The following MAML1 variants were observed in gnomAD, a reference collection of about 807,000 sequenced individuals.
MAML1 encodes mastermind like transcriptional coactivator 1, also known as mastermind-like protein 1.
A neutral mutation model predicts 77.1 loss-of-function variants in MAML1; 14 were observed. That is an observed-to-expected ratio of 0.18 (90% CI 0.12 to 0.28). MAML1 has a LOEUF of 0.28. MAML1 is among the 10% of genes least tolerant of loss of function. MAML1 has a pLI of 1.00. For missense variants in MAML1, 1,217 were observed against 1,327.8 expected (o/e 0.92, Z 1.30); for synonymous variants, 516 against 551.9 (o/e 0.93, Z 0.91).
In MAML1 at chr5:179,769,707, C is replaced by T. The variant is rs1405156077; in HGVS notation, c.1971+618C>T. Among the ~76,000 whole-genome samples the T allele has an allele frequency of 6.6e-6, 1 of 152,110 alleles. No individual in the cohort carries two copies. The highest frequency in any genetic ancestry group is 1.5e-5 in the Non-Finnish European group (1 of 68,014). ...AGCTGGGACTACAGGCAAGAACCACCATGCCTGGCTAATTTTTGTGTTTTT... is the reference window on the plus strand; with the variant it reads ...AGCTGGGACTACAGGCAAGAACCACTATGCCTGGCTAATTTTTGTGTTTTT... On this transcript the variant is annotated intron_variant, in intron 3 of 4. Coordinates refer to ENST00000292599, the MANE Select transcript of MAML1 (RefSeq NM_014757.5). This position sits in a 1 kb window ranked among gnomAD's most constrained non-coding sequence, Gnocchi z 4.2.
Position 179,769,240 on chromosome 5 carries a change from C to T in MAML1, c.1971+151C>T, listed in dbSNP as rs1041225642. The T allele has an allele frequency of 1.6e-5, 19 of 1,172,316 alleles. No homozygotes were observed. The highest frequency in any genetic ancestry group is 5.0e-5 in the Admixed American group (2 of 39,680). The allele number at this position is 1,172,316 out of a possible 1,614,324, so 72.6% of individuals were successfully genotyped here. On this transcript the variant is annotated intron_variant, in intron 3 of 4. Coordinates refer to ENST00000292599, the MANE Select transcript of MAML1 (RefSeq NM_014757.5). The surrounding 1 kb of genome is among the most constrained non-coding windows in gnomAD (Gnocchi z 4.2). ...GCTTTGCCTTTTAAAAACATCTTTC[C>T]AGGAATGTGGCATTTCTCAGACAGG...
rs974655124 is a variant in MAML1, at chr5:179,759,952, G to C, written c.316-5374G>C. On this transcript the variant is annotated intron_variant, in intron 1 of 4. Coordinates refer to ENST00000292599, the MANE Select transcript of MAML1 (RefSeq NM_014757.5). ...AGGACTTGGGTACCAGTTGTATGTA[G>C]GGACTAAGGAGGAGCGGGAGGGAGG... Among the ~76,000 whole-genome samples the C allele has an allele frequency of 3.3e-5, 5 of 152,236 alleles. No homozygotes were observed. In the South Asian group the frequency reaches 1.0e-3, roughly 31 times the overall value.
chr5:179,766,365 C>T lies in MAML1; in HGVS notation c.1355C>T (p.Pro452Leu). The T allele has an allele frequency of 6.2e-7, 1 of 1,606,712 alleles. No homozygotes were observed. Among genetic ancestry groups the T allele is most frequent in the South Asian group, 1.1e-5 (1 of 90,254 alleles). ...VPYPMEKPASPSSYKQDFTNS... is the reference protein window; with the variant it reads ...VPYPMEKPASLSSYKQDFTNS... The stretch of plus-strand genomic sequence containing the variant: ...TACCCCATGGAGAAGCCTGCCAGCC[C>T]TTCCAGCTACAAGCAAGACTTCACT... The change falls in exon 2 of 5, where the codon CCT becomes CTT. Residue 452 changes from proline to leucine, a missense_variant. Transcript: ENST00000292599. This position sits in a 1 kb window ranked among gnomAD's most constrained non-coding sequence, Gnocchi z 4.0.
chr5:179,774,166 C>A lies in MAML1; in HGVS notation c.2340C>A (p.His780Gln). 1 of 1,613,570 alleles carries A rather than the reference C, an allele frequency of 6.2e-7. No homozygotes were observed. Residue 780 changes from histidine to glutamine, a missense_variant, in exon 5 of 5, where the codon CAC becomes CAA. Physicochemically the swap from His to Gln is conservative, Grantham distance 24 (BLOSUM62 0). Around this residue, in one of 3 missense-constraint regions of MAML1, gnomAD observed 884 missense variants for 949.3 expected, o/e 0.93. Coordinates refer to ENST00000292599, the MANE Select transcript of MAML1 (RefSeq NM_014757.5). ...PPPQATNGHA[H>Q]IPRQTNVGQN... Reference sequence around the variant, plus strand: ...CACAGGCCACCAATGGACATGCCCACATTCCACGGCAGACCAACGTGGGCC... The same window carrying A: ...CACAGGCCACCAATGGACATGCCCAAATTCCACGGCAGACCAACGTGGGCC...
intron 1 of MAML1, among the ~76,000 whole-genome samples, chr5:179,757,668 G>A (rs567628563): frequency 1.3e-5 from 2 of 152,258 alleles, no homozygotes; most frequent in East Asian, 1.9e-4. Context: ...ATGTCTTAAC[G>A]TCACACATCC....
chr5:179,773,032 G>A (rs1353034575), intron 4 of MAML1, among the ~76,000 whole-genome samples: 2 of 152,162 alleles, frequency 1.3e-5, no homozygotes, highest in African/African-American at 2.4e-5. Context: ...CTGGGGGCGC[G>A]CGCCGCCACG....
intron 1 of MAML1, among the ~76,000 whole-genome samples, chr5:179,760,855 G>T (rs564294572): frequency 6.6e-6 from 1 of 152,310 alleles, no homozygotes; most frequent in African/African-American, 2.4e-5. Context: ...ACTTTGGGAG[G>T]CCGAGGTGGG....
intron 1 of MAML1, among the ~76,000 whole-genome samples, chr5:179,739,062 T>A (rs1581922474): frequency 6.6e-6 from 1 of 152,224 alleles, no homozygotes; most frequent in Non-Finnish European, 1.5e-5. Flanking sequence ...CTATTTTCCC[T>A]TATTAATTCA....
intron 1 of MAML1, among the ~76,000 whole-genome samples, chr5:179,753,394 A>G (rs1416102469): frequency 6.6e-6 from 1 of 152,088 alleles, no homozygotes; most frequent in Non-Finnish European, 1.5e-5. Flanking sequence ...TAATATTTCA[A>G]ATTTTTCTCC....
At chr5:179,756,336 A>T (rs1038651694) in intron 1 of MAML1, among the ~76,000 whole-genome samples, 1 of 149,410 alleles carries the variant, frequency 6.7e-6, no homozygotes, top group African/African-American at 2.5e-5. Context: ...GAGGCGGGGG[A>T]GTGGCGTCAA....
chr5:179,745,348 T>C (rs1779358425), intron 1 of MAML1, among the ~76,000 whole-genome samples: 1 of 152,204 alleles, frequency 6.6e-6, no homozygotes, highest in Non-Finnish European at 1.5e-5. Context: ...GTAAGAGTTC[T>C]CAGTTCAGTT....
At chr5:179,739,341 G>A (rs960487671) in intron 1 of MAML1, among the ~76,000 whole-genome samples, 1 of 151,880 alleles carries the variant, frequency 6.6e-6, no homozygotes, top group Non-Finnish European at 1.5e-5. Flanking sequence ...AATATAACAA[G>A]ACTCCATCTC....
intron 1 of MAML1, among the ~76,000 whole-genome samples, chr5:179,758,549 C>G (rs1779668785): frequency 6.6e-6 from 1 of 151,902 alleles, no homozygotes; most frequent in Non-Finnish European, 1.5e-5. Context: ...CCCCACTGTG[C>G]CTGGCTAATT....
rs148455396 is a variant in MAML1 at position 179,765,718 on chromosome 5, G to T, written c.708G>T (p.Ser236=). The change falls in exon 2 of 5, where the codon TCG becomes TCT. Residue 236 remains serine (S), a synonymous_variant. Coordinates refer to ENST00000292599, the MANE Select transcript of MAML1 (RefSeq NM_014757.5). ...CMITGTVGSI[S]QSNLMPDLNL... The stretch of plus-strand genomic sequence containing the variant: ...TCACTGGGACTGTCGGCTCCATATC[G>T]CAAAGCAACCTCATGCCAGACCTCA... 5.1e-4 allele frequency: 819 copies of T among 1,613,788 alleles called. No individual in the cohort carries two copies. The highest frequency in any genetic ancestry group is 5.4e-4 in the Non-Finnish European group (643 of 1,179,880).
At position 179,771,139 on chromosome 5, in the gene MAML1, T is replaced by C. The variant is rs1755977446; in HGVS notation, c.1972-8T>C. On this transcript the variant is annotated splice_region_variant and splice_polypyrimidine_tract_variant and intron_variant, in intron 3 of 4. Coordinates refer to ENST00000292599, the MANE Select transcript of MAML1 (RefSeq NM_014757.5). This position sits in a 1 kb window ranked among gnomAD's most constrained non-coding sequence, Gnocchi z 4.7. ...TGGTTTTGTTTTGTTGTTCTTGGCA[T>C]TTTCTAGGAGAAGCAACAGTTTCAG... The C allele has an allele frequency of 1.2e-6, 2 of 1,612,528 alleles. No individual in the cohort carries two copies. The highest frequency in any genetic ancestry group is 1.7e-6 in the Non-Finnish European group (2 of 1,178,504).
In MAML1 at chr5:179,771,338, C is replaced by G; in HGVS notation, c.2068+95C>G. ...TCTGCCCAGCTCTATGCCTTGACTTCATCAGGCTGCATGCATTGTCATCAT... is the reference window on the plus strand; with the variant it reads ...TCTGCCCAGCTCTATGCCTTGACTTGATCAGGCTGCATGCATTGTCATCAT... On this transcript the variant is annotated intron_variant, in intron 4 of 4. Transcript: ENST00000292599. The surrounding 1 kb of genome is among the most constrained non-coding windows in gnomAD (Gnocchi z 4.7). 9.8e-7 allele frequency: 1 copy of G among 1,019,756 alleles called. No homozygotes were observed. Among genetic ancestry groups the G allele is most frequent in the South Asian group, 1.3e-5 (1 of 75,806 alleles). 63.2% of individuals were successfully genotyped at this position (1,019,756 alleles called of 1,614,324 possible).
At chr5:179,770,504 CAT>C (rs746927109) in intron 3 of MAML1, among the ~76,000 whole-genome samples, 1 of 152,254 alleles carries the variant, frequency 6.6e-6, no homozygotes, top group South Asian at 2.1e-4. Flanking sequence ...CATTTTCAAT[CAT>C]GTGCTAGGTA....
chr5:179,774,152 A>G lies in MAML1; in HGVS notation c.2326A>G (p.Asn776Asp). ...IVAQPPPQAT[N>D]GHAHIPRQTN... The stretch of plus-strand genomic sequence containing the variant: ...TGCCCAGCCCCCGCCACAGGCCACC[A>G]ATGGACATGCCCACATTCCACGGCA... Residue 776 changes from asparagine (N) to aspartate (D), a missense_variant, in exon 5 of 5, where the codon AAT becomes GAT. Transcript: ENST00000292599. 6.2e-7 allele frequency: 1 copy of G among 1,613,566 alleles called. No homozygotes were observed. Among genetic ancestry groups the G allele is most frequent in the Non-Finnish European group, 8.5e-7 (1 of 1,180,012 alleles).
At chr5:179,758,993 G>A (rs979199760) in intron 1 of MAML1, among the ~76,000 whole-genome samples, 18 of 150,386 alleles carry the variant, frequency 1.2e-4, no homozygotes, top group Non-Finnish European at 2.5e-4. Flanking sequence ...GCAAGACTCC[G>A]ACTCAAAAAA....
Sources: gnomAD v4.1 joint callset for allele counts (sites outside exome capture counted in the v4.1 genomes callset) on GRCh38, gnomAD v4.1.1 for gene constraint, gnomAD v4.1.1 regional missense constraint, Gnocchi (gnomAD v3.1) non-coding constraint, MANE v1.5 for transcripts, NCBI Gene and HGNC (gene_info 2026-07-23, HGNC 2026-07-21) for gene names.